CHD8: variants seen among roughly 807,000 people sequenced by gnomAD.
CHD8 encodes chromodomain helicase DNA binding protein 8, also known as ATP-dependent chromatin remodeler CHD8.
Under a neutral mutation model 279.2 loss-of-function variants are expected in CHD8, and 31 were observed. The observed-to-expected ratio is 0.11, with a 90% confidence interval of 0.08 to 0.15. The LOEUF (loss-of-function observed/expected upper bound fraction) is 0.15, where lower values mean the gene tolerates loss of function less well. CHD8 is among the 10% of genes least tolerant of loss of function. The probability of loss-of-function intolerance (pLI) is 1.00; values close to 1 mark genes in which losing one functional copy is unlikely to be tolerated. For missense variants in CHD8, 2,146 were observed against 3,230.5 expected, an observed-to-expected ratio of 0.66 and a Z score of 8.14; for synonymous variants, 1,081 against 1,139.6, an observed-to-expected ratio of 0.95 and a Z score of 1.04.
At chr14:21,432,430 T>C (rs1386520352) in intron 1 of CHD8, among the ~76,000 whole-genome samples, 4 of 152,334 alleles carry the variant, frequency 2.6e-5, no homozygotes, top group African/African-American at 9.6e-5. Context: ...CATATTAATC[T>C]ATAATGGGAT....
rs1888105876 is a variant in CHD8 at position 21,403,132 on chromosome 14, G to A, written c.3599C>T (p.Ser1200Leu). ...ACACAGTAAGAAGACAAAGCGGTCTGAGTCAGGCTTGCTGAAGCGGTCAAT... is the reference window on the plus strand; with the variant it reads ...ACACAGTAAGAAGACAAAGCGGTCTAAGTCAGGCTTGCTGAAGCGGTCAAT... Reference protein sequence around the residue: ...AAIDRFSKPDSDRFVFLLCTR... With the variant: ...AAIDRFSKPDLDRFVFLLCTR... The change falls in exon 18 of 38, where the codon TCA (serine) becomes TTA (leucine). Residue 1200 changes from serine to leucine, a missense_variant. Physicochemically the swap from Ser to Leu is moderately radical, Grantham distance 145. Transcript: ENST00000646647. This position sits in a 1 kb window ranked among gnomAD's most constrained non-coding sequence, Gnocchi z 4.3. 1.9e-6 allele frequency: 3 copies of A among 1,614,056 alleles called. No homozygotes were observed. The African/African-American group carries it at 4.0e-5, about 22-fold the overall frequency.
chr14:21,433,495 A>C (rs756231130), intron 1 of CHD8, among the ~76,000 whole-genome samples: 29 of 152,208 alleles, frequency 1.9e-4, no homozygotes, highest in Non-Finnish European at 3.4e-4. Flanking sequence ...CCAGATAAGA[A>C]ATTTGTCAGA....
At position 21,426,118 on chromosome 14, in the gene CHD8, A is replaced by G. The variant is rs1889306462; in HGVS notation, c.1716+10T>C. 4.6e-6 allele frequency: 7 copies of G among 1,511,004 alleles called. No individual in the cohort carries two copies. Among genetic ancestry groups the G allele is most frequent in the Admixed American group, 3.5e-5 (2 of 56,356 alleles). 93.6% of individuals were successfully genotyped at this position (1,511,004 alleles called of 1,614,324 possible). A position where few individuals can be genotyped will look rare whatever the true frequency, so the allele number is the denominator to read the frequency against. On this transcript the variant is annotated intron_variant, in intron 5 of 37. Transcript: ENST00000646647. Reference sequence around the variant, plus strand: ...GTTTTTTCTACTAAATTCTTTTGGGATCCTTTTACCTGAATGCTGCTTTCT... The same window carrying G: ...GTTTTTTCTACTAAATTCTTTTGGGGTCCTTTTACCTGAATGCTGCTTTCT...
chr14:21,406,626 T>C (rs779151360), intron 14 of CHD8, among the ~76,000 whole-genome samples: 5 of 152,186 alleles, frequency 3.3e-5, no homozygotes, highest in Admixed American at 1.3e-4. Context: ...GCAGTAATAA[T>C]AGGTAACCAA....
At chr14:21,436,773 G>C in intron 1 of CHD8, 1 of 375,740 alleles carries the variant, frequency 2.7e-6, no homozygotes, top group East Asian at 7.5e-5. Flanking sequence ...GTATTTTCAG[G>C]GGGTAAAGAA....
intron 26 of CHD8, chr14:21,398,491 C>T (rs1887888250): frequency 6.6e-6 from 1 of 152,372 alleles, no homozygotes; most frequent in African/African-American, 2.4e-5. Flanking sequence ...CTTGGCCACC[C>T]AAAGTGCTGG....
chr14:21,415,533 AT>A lies in CHD8; in HGVS notation c.1968+40del, dbSNP rs1264793381. 68 of 1,028,422 alleles carry A rather than the reference AT, an allele frequency of 6.6e-5. 2 individuals are homozygous for A. The African/African-American group carries it at 1.1e-3, about 16-fold the overall frequency. The allele number at this position is 1,028,422 out of a possible 1,614,324, so 63.7% of individuals were successfully genotyped here. ...AATAAATAAATAAATAAATAAATAA[AT>A]AAATAAATAAAAATAATAATAATAA... On this transcript the variant is annotated intron_variant, in intron 7 of 37. Coordinates refer to ENST00000646647, the MANE Select transcript of CHD8 (RefSeq NM_001170629.2).
chr14:21,394,518 G>A (rs777017873), intron 30 of CHD8, 33 bp from the exon 31 acceptor site: 2 of 1,284,306 alleles, frequency 1.6e-6, no homozygotes, highest in African/African-American at 3.3e-5. Flanking sequence ...ACAATAATCA[G>A]AAGAACACAT....
intron 20 of CHD8, 192 bp downstream of exon 20, chr14:21,401,765 G>C: frequency 1.7e-6 from 1 of 593,210 alleles, no homozygotes; most frequent in Non-Finnish European, 2.9e-6. Flanking sequence ...TTGTATTTTT[G>C]GTAGAGATGA....
Position 21,408,260 on chromosome 14 carries a change from T to C in CHD8, c.2730+52A>G. ...CATATATAGCCCTTAAAATACCAGGTACCTTGGCCGACTTTCTCTAACTCA... is the reference window on the plus strand; with the variant it reads ...CATATATAGCCCTTAAAATACCAGGCACCTTGGCCGACTTTCTCTAACTCA... On this transcript the variant is annotated intron_variant, in intron 13 of 37. Coordinates refer to ENST00000646647, the MANE Select transcript of CHD8 (RefSeq NM_001170629.2). This position sits in a 1 kb window ranked among gnomAD's most constrained non-coding sequence, Gnocchi z 4.3. 2.5e-6 allele frequency: 4 copies of C among 1,585,592 alleles called. No individual in the cohort carries two copies. Among genetic ancestry groups the C allele is most frequent in the Non-Finnish European group, 3.4e-6 (4 of 1,166,484 alleles).
chr14:21,428,504 C>T (rs1889423464), intron 3 of CHD8, among the ~76,000 whole-genome samples: 1 of 152,188 alleles, frequency 6.6e-6, no homozygotes, highest in African/African-American at 2.4e-5. Context: ...TAATATACAT[C>T]TCCATTACCT....
At position 21,408,201 on chromosome 14, in the gene CHD8, G is replaced by C; in HGVS notation, c.2730+111C>G. ...TTAAACCATAGGCATTTTTGCATAG[G>C]CATATTGAAGACTTTCAATAAAAGT... is the stretch of plus-strand genomic sequence containing the variant. On this transcript the variant is annotated intron_variant, in intron 13 of 37. Coordinates refer to ENST00000646647, the MANE Select transcript of CHD8 (RefSeq NM_001170629.2). This position sits in a 1 kb window ranked among gnomAD's most constrained non-coding sequence, Gnocchi z 4.3. 4.7e-6 allele frequency: 6 copies of C among 1,290,304 alleles called. No individual in the cohort carries two copies. Among genetic ancestry groups the C allele is most frequent in the Non-Finnish European group, 6.4e-6 (6 of 938,926 alleles). 79.9% of individuals were successfully genotyped at this position (1,290,304 alleles called of 1,614,324 possible).
chr14:21,426,296 TA>T, intron 4 of CHD8, 54 bp from the exon 5 acceptor site: 1 of 871,184 alleles, frequency 1.1e-6, no homozygotes. Context: ...AATTTAGGAG[TA>T]AAAAAACATA....
chr14:21,427,661 C>G, intron 4 of CHD8: 1 of 1,392,248 alleles, frequency 7.2e-7, no homozygotes, highest in Non-Finnish European at 9.4e-7. Flanking sequence ...CCTCAAATGT[C>G]CCATCCCAAT....
chr14:21,413,318 T>A (rs938301080), intron 9 of CHD8, among the ~76,000 whole-genome samples: 1 of 152,166 alleles, frequency 6.6e-6, no homozygotes, highest in African/African-American at 2.4e-5. Flanking sequence ...ATGTTCCACA[T>A]TTCACATTTT....
At chr14:21,422,799 C>G (rs1441021561) in intron 5 of CHD8, among the ~76,000 whole-genome samples, 1 of 151,926 alleles carries the variant, frequency 6.6e-6, no homozygotes, top group Non-Finnish European at 1.5e-5. Flanking sequence ...CATGGTGGCG[C>G]ACACCTATAA....
intron 11 of CHD8, among the ~76,000 whole-genome samples, chr14:21,409,397 T>C (rs1888385041): frequency 6.6e-6 from 1 of 152,126 alleles, no homozygotes; most frequent in African/African-American, 2.4e-5. Flanking sequence ...TAAAAGAAAC[T>C]TGAGACATAT....
chr14:21,422,988 G>A (rs1417711029), intron 5 of CHD8, among the ~76,000 whole-genome samples: 9 of 152,086 alleles, frequency 5.9e-5, no homozygotes, highest in East Asian at 1.9e-4. Flanking sequence ...TTGGGAGGCC[G>A]AGGCAGGCAG....
At chr14:21,437,058 A>C in intron 1 of CHD8, 1 of 117,428 alleles carries the variant, frequency 8.5e-6, no homozygotes, top group Non-Finnish European at 1.3e-5. Flanking sequence ...AGACGGGAAG[A>C]TGCGGGGGGT....
Sources: allele counts gnomAD v4.1 joint callset (sites outside exome capture counted in the v4.1 genomes callset), GRCh38; gene constraint gnomAD v4.1.1; non-coding constraint Gnocchi (gnomAD v3.1); transcripts MANE v1.5; gene names NCBI Gene and HGNC (gene_info 2026-07-23, HGNC 2026-07-21).